Variants in HMCN2 observed in about 807,000 individuals in gnomAD.
HMCN2 encodes the protein hemicentin 2.
HMCN2 carries 325 observed loss-of-function variants against 377.5 expected under a neutral mutation model. That is an observed-to-expected ratio of 0.86 (90% CI 0.79 to 0.94). The LOEUF (loss-of-function observed/expected upper bound fraction) is 0.94, where lower values mean the gene tolerates loss of function less well. Among genes scored for constraint, HMCN2 ranks in the 40% least tolerant of loss-of-function variants. The probability of loss-of-function intolerance (pLI) is 0.00; values close to 1 mark genes in which losing one functional copy is unlikely to be tolerated. For missense variants in HMCN2, 4,543 were observed against 4,725.3 expected, an observed-to-expected ratio of 0.96 and a Z score of 1.13; for synonymous variants, 2,007 against 2,046.8, an observed-to-expected ratio of 0.98 and a Z score of 0.53.
Position 130,284,632 on chromosome 9 carries a change from C to A in HMCN2, c.289C>A (p.Pro97Thr), listed in dbSNP as rs1009694041. The change falls in exon 2 of 98, where the codon CCC becomes ACC. Residue 97 changes from proline to threonine, a missense_variant. By Grantham distance (38) the Pro-to-Thr change is conservative. This residue lies in a region of HMCN2 where 547 missense variants were observed against 189.9 expected (regional missense o/e 2.88). Transcript: ENST00000683500. ...DIGPVTLTADPTVFQRELREL... is the reference protein window; with the variant it reads ...DIGPVTLTADTTVFQRELREL... Reference sequence around the variant, plus strand: ...TGGCCCAGTGACCCTCACGGCGGACCCCACAGTGTTTCAGAGGGAGCTGAG... The same window carrying A: ...TGGCCCAGTGACCCTCACGGCGGACACCACAGTGTTTCAGAGGGAGCTGAG... 2.1e-6 allele frequency: 1 copy of A among 471,192 alleles called. No individual in the cohort carries two copies. The allele number at this position is 471,192 out of a possible 1,614,324, so 29.2% of individuals were successfully genotyped here. A position where few individuals can be genotyped will look rare whatever the true frequency, so the allele number is the denominator to read the frequency against.
At chr9:130,403,942 C>G in intron 80 of HMCN2, 67 bp downstream of exon 80, 1 of 1,237,526 alleles carries the variant, frequency 8.1e-7, no homozygotes, top group Non-Finnish European at 1.0e-6. Context: ...CTGCAAGCTT[C>G]TCCCTTCTCT....
chr9:130,293,672 C>A (rs1258561810), intron 4 of HMCN2, among the ~76,000 whole-genome samples: 9 of 152,100 alleles, frequency 5.9e-5, no homozygotes, highest in African/African-American at 1.9e-4. Flanking sequence ...CTACTGAACT[C>A]ACACAGCCAG....
chr9:130,290,339 C>T (rs1835685417), intron 4 of HMCN2, among the ~76,000 whole-genome samples: 1 of 152,208 alleles, frequency 6.6e-6, no homozygotes, highest in African/African-American at 2.4e-5. Context: ...GGCTTTCTGC[C>T]TCGTGTCCCA....
intron 62 of HMCN2, among the ~76,000 whole-genome samples, chr9:130,389,418 C>T (rs1842186983): frequency 1.3e-5 from 2 of 152,142 alleles, no homozygotes; most frequent in Non-Finnish European, 2.9e-5. Context: ...TCCCCCAGAC[C>T]CAGGAAACCA....
intron 1 of HMCN2, among the ~76,000 whole-genome samples, chr9:130,274,850 C>G (rs1554922462): frequency 6.6e-6 from 1 of 152,108 alleles, no homozygotes; most frequent in Non-Finnish European, 1.5e-5. Flanking sequence ...CTATAAGATG[C>G]CATTGGAGGA....
chr9:130,299,943 T>A (rs1456582694), intron 8 of HMCN2, among the ~76,000 whole-genome samples: 4 of 134,364 alleles, frequency 3.0e-5, no homozygotes, highest in Non-Finnish European at 4.7e-5. Flanking sequence ...ATCCATTGAC[T>A]CACCTATTCA....
chr9:130,290,018 C>T (rs1835665367), intron 4 of HMCN2, among the ~76,000 whole-genome samples: 1 of 152,184 alleles, frequency 6.6e-6, no homozygotes, highest in South Asian at 2.1e-4. Context: ...GAGCAGCAGC[C>T]ATCTGGCTGG....
In HMCN2 at chr9:130,395,128, TG is replaced by T. The variant is rs60296412; in HGVS notation, c.10774+25del. ...TTCAAGGTAGGTGGTGGGGGTGGGG[TG>T]GGGGCAGGGCCGGGAGGCAGGACGG... On this transcript the variant is annotated intron_variant, in intron 70 of 97. Coordinates refer to ENST00000683500, the MANE Select transcript of HMCN2 (RefSeq NM_001291815.2). 0.048 allele frequency: 3,751 copies of T among 77,972 alleles called. 115 individuals are homozygous for T. The highest frequency in any genetic ancestry group is 0.35 in the African/African-American group (3,207 of 9,160). 4.8% of individuals were successfully genotyped at this position (77,972 alleles called of 1,614,324 possible). A position where few individuals can be genotyped will look rare whatever the true frequency, so the allele number is the denominator to read the frequency against.
rs375555641 is a variant in HMCN2 at position 130,362,948 on chromosome 9, G to A, written c.6190G>A (p.Ala2064Thr). 6 of 985,966 alleles carry A rather than the reference G, an allele frequency of 6.1e-6. No individual in the cohort carries two copies. The highest frequency in any genetic ancestry group is 6.0e-6 in the Non-Finnish European group (5 of 829,992). The allele number at this position is 985,966 out of a possible 1,614,324, so 61.1% of individuals were successfully genotyped here. A position where few individuals can be genotyped will look rare whatever the true frequency, so the allele number is the denominator to read the frequency against. ...GAGGTACTCCTGCGTGGCTGTGAGC[G>A]CGGTGGGCGAGGACCGCCAGGATGT... ...SGRYSCVAVS[A>T]VGEDRQDVVL... The change falls in exon 40 of 98, where the codon GCG (alanine) becomes ACG (threonine). Residue 2064 changes from alanine to threonine, a missense_variant. Physicochemically the swap from Ala to Thr is moderately conservative, Grantham distance 58. Around this residue, in one of 5 missense-constraint regions of HMCN2, gnomAD observed 1,032 missense variants for 1,285.1 expected, o/e 0.80. Coordinates refer to ENST00000683500, the MANE Select transcript of HMCN2 (RefSeq NM_001291815.2).
Position 130,414,524 on chromosome 9 carries a change from C to T in HMCN2, c.12961+3872C>T, listed in dbSNP as rs1182925039. On this transcript the variant is annotated intron_variant, in intron 85 of 97. Transcript: ENST00000683500. The surrounding 1 kb of genome is among the most constrained non-coding windows in gnomAD (Gnocchi z 4.4). ...ACACCAGGAACAAGGAAAAGCTCAA[C>T]TTACACACCAGGAACAAGGAAAATC... Among the ~76,000 whole-genome samples, 1 of 152,070 alleles carries T rather than the reference C, an allele frequency of 6.6e-6. No individual in the cohort carries two copies. Among genetic ancestry groups the T allele is most frequent in the East Asian group, 1.9e-4 (1 of 5,184 alleles).
chr9:130,338,801 G>C (rs1838899005), intron 23 of HMCN2, among the ~76,000 whole-genome samples: 1 of 152,278 alleles, frequency 6.6e-6, no homozygotes, highest in Admixed American at 6.5e-5. Context: ...TCATGAGCCA[G>C]TGAAGAATGG....
intron 45 of HMCN2, among the ~76,000 whole-genome samples, chr9:130,370,316 C>T (rs186892033): frequency 1.3e-5 from 2 of 152,150 alleles, no homozygotes; most frequent in East Asian, 3.9e-4. Flanking sequence ...AGGGGAAGCA[C>T]GTGCCAGGCA....
At chr9:130,328,359 G>T (rs1379187436) in intron 22 of HMCN2, among the ~76,000 whole-genome samples, 2 of 152,172 alleles carry the variant, frequency 1.3e-5, no homozygotes, top group African/African-American at 4.8e-5. Context: ...CCCCTAGAAA[G>T]CCCGGTCCTA....
At position 130,384,720 on chromosome 9, in the gene HMCN2, TCGG is replaced by T; in HGVS notation, c.9029_9031del (p.Ser3010_Asp3011delinsTyr). 7.7e-7 allele frequency: 1 copy of T among 1,302,610 alleles called. No homozygotes were observed. Among genetic ancestry groups the T allele is most frequent in the Non-Finnish European group, 1.0e-6 (1 of 988,932 alleles). 80.7% of individuals were successfully genotyped at this position (1,302,610 alleles called of 1,614,324 possible). On this transcript the variant is annotated inframe_deletion, in exon 59 of 98. Transcript: ENST00000683500. ...GCTGCAGCTGGGGAGAGCACGGCTGTCGGACTCCGGGATGTACACATGCGAAGC... is the reference window on the plus strand; with the variant it reads ...GCTGCAGCTGGGGAGAGCACGGCTGTACTCCGGGATGTACACATGCGAAGC...
chr9:130,388,682 C>G (rs868102962), intron 62 of HMCN2, 142 bp downstream of exon 62: 6 of 374,458 alleles, frequency 1.6e-5, no homozygotes, highest in Middle Eastern at 5.4e-4. Flanking sequence ...GCCCCCCCCC[C>G]CACCATTTGT....
intron 1 of HMCN2, among the ~76,000 whole-genome samples, chr9:130,282,647 G>C (rs1554926147): frequency 6.6e-6 from 1 of 152,228 alleles, no homozygotes; most frequent in Non-Finnish European, 1.5e-5. Flanking sequence ...ATCATTGTGA[G>C]GCATGCTGGA....
chr9:130,299,068 A>G lies in HMCN2; in HGVS notation c.1056A>G (p.Ala352=), dbSNP rs1554933211. The change falls in exon 8 of 98, where the codon GCA becomes GCG. Residue 352 remains alanine, a synonymous_variant. Coordinates refer to ENST00000683500, the MANE Select transcript of HMCN2 (RefSeq NM_001291815.2). ...TGATCAATTCCACGGGCCTGAAGGC[A>G]CCCGGCCGCCTAGACTCGGTGGAGC... ...SLVINSTGLK[A]PGRLDSVELA... 2.1e-6 allele frequency: 1 copy of G among 470,660 alleles called. No individual in the cohort carries two copies. Among genetic ancestry groups the G allele is most frequent in the Non-Finnish European group, 4.4e-6 (1 of 226,840 alleles). 29.2% of individuals were successfully genotyped at this position (470,660 alleles called of 1,614,324 possible). A position where few individuals can be genotyped will look rare whatever the true frequency, so the allele number is the denominator to read the frequency against.
intron 83 of HMCN2, among the ~76,000 whole-genome samples, chr9:130,408,434 CG>C (rs1168684756): frequency 6.6e-6 from 1 of 152,150 alleles, no homozygotes; most frequent in African/African-American, 2.4e-5. Context: ...GTATATGACA[CG>C]CGTAACACTG....
Position 130,286,222 on chromosome 9 carries a change from G to C in HMCN2, c.524G>C (p.Arg175Pro), listed in dbSNP as rs6478957. The change falls in exon 4 of 98, where the codon CGC becomes CCC. Residue 175 changes from arginine to proline, a missense_variant. By Grantham distance (103) the Arg-to-Pro change is moderately radical. This residue lies in a region of HMCN2 where 547 missense variants were observed against 189.9 expected (regional missense o/e 2.88). Coordinates refer to ENST00000683500, the MANE Select transcript of HMCN2 (RefSeq NM_001291815.2). ...GTGCTGACGGGGGACTGTGGCGACCGCACCCATCCTGGCTACCTGGCTTAT... is the reference window on the plus strand; with the variant it reads ...GTGCTGACGGGGGACTGTGGCGACCCCACCCATCCTGGCTACCTGGCTTAT... ...VFVLTGDCGD[R>P]THPGYLAYEE... 8.5e-6 allele frequency: 4 copies of C among 470,676 alleles called. No homozygotes were observed. The highest frequency in any genetic ancestry group is 1.3e-5 in the Non-Finnish European group (3 of 227,006). 29.2% of individuals were successfully genotyped at this position (470,676 alleles called of 1,614,324 possible). A position where few individuals can be genotyped will look rare whatever the true frequency, so the allele number is the denominator to read the frequency against.
Sources: allele counts gnomAD v4.1 joint callset (sites outside exome capture counted in the v4.1 genomes callset), GRCh38; gene constraint gnomAD v4.1.1; regional missense constraint gnomAD v4.1.1; non-coding constraint Gnocchi (gnomAD v3.1); transcripts MANE v1.5; gene names NCBI Gene and HGNC (gene_info 2026-07-23, HGNC 2026-07-21).